Variants in LIMCH1 observed in about 807,000 individuals in gnomAD.
LIMCH1 encodes LIM and calponin homology domains 1.
In LIMCH1, 113 loss-of-function variants were observed where a neutral mutation model predicts 176.5. That is an observed-to-expected ratio of 0.64 (90% CI 0.55 to 0.75). LIMCH1 has a LOEUF of 0.75. Among genes scored for constraint, LIMCH1 ranks in the 30% least tolerant of loss-of-function variants. The pLI is 0.00. For synonymous variants in LIMCH1, 619 were observed against 645.9 expected, an observed-to-expected ratio of 0.96 and a Z score of 0.63; for missense variants, 1,674 against 1,814.9, an observed-to-expected ratio of 0.92 and a Z score of 1.41.
chr4:41,426,015 TTC>T (rs781700140), intron 1 of LIMCH1, among the ~76,000 whole-genome samples: 2 of 144,540 alleles, frequency 1.4e-5, no homozygotes, highest in Non-Finnish European at 3.0e-5. Flanking sequence ...AGTGAAAAGA[TTC>T]TTTTTTTTTT....
intron 1 of LIMCH1, among the ~76,000 whole-genome samples, chr4:41,492,486 C>T (rs2154174431): frequency 6.6e-6 from 1 of 152,242 alleles, no homozygotes; most frequent in Non-Finnish European, 1.5e-5. Flanking sequence ...CTTTTTGGCT[C>T]CCATGAATTC....
At chr4:41,508,603 G>C (rs893760594) in intron 2 of LIMCH1, among the ~76,000 whole-genome samples, 1 of 152,184 alleles carries the variant, frequency 6.6e-6, no homozygotes, top group Non-Finnish European at 1.5e-5. Context: ...GGAAAGAGCC[G>C]CAGAAGGAGG....
At position 41,387,931 on chromosome 4, in the gene LIMCH1, G is replaced by A. The variant is rs550322207; in HGVS notation, c.96+26995G>A. 7.0e-4 allele frequency among the ~76,000 whole-genome samples: 106 copies of A among 152,184 alleles called. 1 individual carries two copies. Among genetic ancestry groups the A allele is most frequent in the African/African-American group, 2.3e-3 (97 of 41,518 alleles). On this transcript the variant is annotated intron_variant, in intron 1 of 26. Transcript: ENST00000313860. ...TTGAGACCAGCCTGGGCAACATGGC[G>A]AAACCCTGCCTCTACTAAAAATACA...
At chr4:41,596,241 G>C (rs961791361) in intron 1 of LIMCH1, among the ~76,000 whole-genome samples, 6 of 151,008 alleles carry the variant, frequency 4.0e-5, no homozygotes, top group South Asian at 4.2e-4. Flanking sequence ...TCATTTACAT[G>C]TAAACGTACC....
At chr4:41,686,388 A>AT (rs1720793575) in intron 28 of LIMCH1, among the ~76,000 whole-genome samples, 1 of 152,164 alleles carries the variant, frequency 6.6e-6, no homozygotes, top group Admixed American at 6.5e-5. Context: ...TGTTCCTGCC[A>AT]TTTTACAGAC....
At position 41,620,656 on chromosome 4, in the gene LIMCH1, A is replaced by G. The variant is rs966767554; in HGVS notation, c.691A>G (p.Ile231Val). Residue 231 changes from isoleucine to valine, a missense_variant, in exon 7 of 32, where the codon ATC becomes GTC. Ile to Val is a conservative substitution (Grantham distance 29, BLOSUM62 3). This residue lies in a region of LIMCH1 where 655 missense variants were observed against 692.2 expected (regional missense o/e 0.95). Coordinates refer to ENST00000503057, the MANE Select transcript of LIMCH1 (RefSeq NM_001330672.2). The part of the protein sequence containing the change: ...QKRKRLEQAG[I>V]KVMPAAQRFA... ...GCGCAAAAGGCTAGAGCAAGCTGGA[A>G]TCAAGGTCATGCCAGCAGCACAGCG... The G allele has an allele frequency of 1.1e-5, 17 of 1,536,096 alleles. No homozygotes were observed. The highest frequency in any genetic ancestry group is 1.5e-5 in the Non-Finnish European group (17 of 1,146,874).
Position 41,619,336 on chromosome 4 carries a change from G to A in LIMCH1, c.354G>A (p.Thr118=), listed in dbSNP as rs750254202. 6 of 1,614,036 alleles carry A rather than the reference G, an allele frequency of 3.7e-6. No individual in the cohort carries two copies. The highest frequency in any genetic ancestry group is 1.3e-5 in the African/African-American group (1 of 74,912). The change falls in exon 6 of 32, where the codon ACG becomes ACA. Residue 118 remains threonine (T), a synonymous_variant. Transcript: ENST00000503057. Reference sequence around the variant, plus strand: ...ACCTCCCGAACAAAAGCAATCAGACGGCCTACGTCCCCGCGCCTCTGAGAA... The same window carrying A: ...ACCTCCCGAACAAAAGCAATCAGACAGCCTACGTCCCCGCGCCTCTGAGAA... ...NQYLPNKSNQ[T]AYVPAPLRKK...
In LIMCH1 at chr4:41,667,495, G is replaced by C. The variant is rs142669109; in HGVS notation, c.3397+829G>C. ...ACATACTGAGGATATATTTTAATAT[G>C]TTTGATGTATTTTAATGTGTTTGAT... is the stretch of plus-strand genomic sequence containing the variant. On this transcript the variant is annotated intron_variant, in intron 21 of 31. Transcript: ENST00000503057. Among the ~76,000 whole-genome samples the C allele has an allele frequency of 1.7e-4, 26 of 152,144 alleles. No individual in the cohort carries two copies. The East Asian group carries it at 4.4e-3, about 26-fold the overall frequency.
rs576145162 is a variant in LIMCH1 at position 41,400,318 on chromosome 4, AT to A, written c.96+39388del. Among the ~76,000 whole-genome samples, 5 of 152,204 alleles carry A rather than the reference AT, an allele frequency of 3.3e-5. No individual in the cohort carries two copies. In the South Asian group the frequency reaches 1.0e-3, roughly 32 times the overall value. On this transcript the variant is annotated intron_variant, in intron 1 of 26. Coordinates refer to the LIMCH1 transcript ENST00000313860. ...ACTGTGTCATGGGGTACCTTGGAAA[AT>A]TTTTTACCTTTGTATTCAACTTCCC...
chr4:41,555,806 C>T (rs568934632), intron 1 of LIMCH1, among the ~76,000 whole-genome samples: 44 of 152,126 alleles, frequency 2.9e-4, no homozygotes, highest in South Asian at 8.3e-4. Flanking sequence ...AGTGCAGCGG[C>T]GTGATCACAG....
chr4:41,467,365 G>T (rs1458789923), intron 1 of LIMCH1, among the ~76,000 whole-genome samples: 4 of 152,148 alleles, frequency 2.6e-5, no homozygotes, highest in African/African-American at 7.2e-5. Context: ...TGTTAATAAA[G>T]TCATACCTGA....
chr4:41,604,102 C>G (rs948066684), intron 3 of LIMCH1, 197 bp downstream of exon 3: 2 of 704,548 alleles, frequency 2.8e-6, no homozygotes, highest in African/African-American at 3.9e-5. Flanking sequence ...TGGTGGTTCT[C>G]TTTATTTAGA....
intron 14 of LIMCH1, among the ~76,000 whole-genome samples, chr4:41,643,937 A>G (rs1045409249): frequency 5.3e-5 from 8 of 152,212 alleles, no homozygotes; most frequent in African/African-American, 1.9e-4. Flanking sequence ...ATAAAATAAA[A>G]TAAGAAAAAG....
chr4:41,441,260 C>T (rs762089158), intron 1 of LIMCH1, among the ~76,000 whole-genome samples: 1 of 152,060 alleles, frequency 6.6e-6, no homozygotes, highest in Admixed American at 6.6e-5. Context: ...AAAATGAAAA[C>T]CAAACAGCTT....
Position 41,471,934 on chromosome 4 carries a change from C to T in LIMCH1, c.97-22602C>T, listed in dbSNP as rs181405965. On this transcript the variant is annotated intron_variant, in intron 1 of 26. Transcript: ENST00000313860. ...CCCTACTCTCACCGGACTTGTTTCA[C>T]TTCTCTTGAACATCTACACACAAGT... 1.6e-3 allele frequency among the ~76,000 whole-genome samples: 238 copies of T among 151,960 alleles called. 2 individuals carry two copies. The highest frequency in any genetic ancestry group is 5.6e-3 in the African/African-American group (231 of 41,392).
At chr4:41,382,731 A>G (rs1280309600) in intron 1 of LIMCH1, among the ~76,000 whole-genome samples, 3 of 152,188 alleles carry the variant, frequency 2.0e-5, no homozygotes, top group African/African-American at 7.2e-5. Flanking sequence ...ACTCAGCTCA[A>G]CACTCAGGGA....
At chr4:41,506,792 G>A (rs917796935) in intron 2 of LIMCH1, among the ~76,000 whole-genome samples, 9 of 152,182 alleles carry the variant, frequency 5.9e-5, no homozygotes, top group Admixed American at 2.0e-4. Context: ...TCACAAAAAT[G>A]TGTGGTTTTT....
chr4:41,678,960 G>A (rs1270347973), intron 23 of LIMCH1, among the ~76,000 whole-genome samples: 1 of 152,064 alleles, frequency 6.6e-6, no homozygotes, highest in Non-Finnish European at 1.5e-5. Flanking sequence ...TTTTTACCAG[G>A]AAATAAAGAG....
chr4:41,422,419 C>G (rs532334181), intron 1 of LIMCH1, among the ~76,000 whole-genome samples: 1 of 152,210 alleles, frequency 6.6e-6, no homozygotes, highest in South Asian at 2.1e-4. Flanking sequence ...AGCTTCTGAT[C>G]TGAAGTGATC....
Sources: allele counts gnomAD v4.1 joint callset (sites outside exome capture counted in the v4.1 genomes callset), GRCh38; gene constraint gnomAD v4.1.1; regional missense constraint gnomAD v4.1.1; transcripts MANE v1.5; gene names NCBI Gene and HGNC (gene_info 2026-07-23, HGNC 2026-07-21).